The following PRR16 variants were observed in gnomAD, a reference collection of about 807,000 sequenced individuals.
PRR16 encodes the protein protein Largen.
PRR16 carries 6 observed loss-of-function variants against 18.2 expected under a neutral mutation model. That is an observed-to-expected ratio of 0.33 (90% CI 0.18 to 0.65). The LOEUF (loss-of-function observed/expected upper bound fraction) is 0.65, where lower values mean the gene tolerates loss of function less well. Among genes scored for constraint, PRR16 ranks in the 30% least tolerant of loss-of-function variants. The pLI, the probability that PRR16 is intolerant of heterozygous loss-of-function variation, is 0.74. For synonymous variants in PRR16, 151 were observed against 147.8 expected, an observed-to-expected ratio of 1.02 and a Z score of -0.16; for missense variants, 412 against 376.6, an observed-to-expected ratio of 1.09 and a Z score of -0.78.
chr5:120,525,838 G>A (rs1296877730), intron 1 of PRR16, among the ~76,000 whole-genome samples: 4 of 152,086 alleles, frequency 2.6e-5, no homozygotes, highest in Admixed American at 6.6e-5. Context: ...AATAGATGTT[G>A]AGCACATTTT....
At chr5:120,662,394 G>A (rs1296299285) in intron 1 of PRR16, among the ~76,000 whole-genome samples, 1 of 151,944 alleles carries the variant, frequency 6.6e-6, no homozygotes, top group Non-Finnish European at 1.5e-5. Flanking sequence ...CTTACTTCAT[G>A]CATATTATTT....
chr5:120,762,372 G>C, the PRR16 span, among the ~76,000 whole-genome samples: 5 of 152,060 alleles, frequency 3.3e-5, no homozygotes, highest in African/African-American at 1.2e-4. Flanking sequence ...ATCCTTGCCA[G>C]CATCTATTTT....
At chr5:120,655,078 G>A (rs1755921116) in intron 1 of PRR16, among the ~76,000 whole-genome samples, 1 of 151,668 alleles carries the variant, frequency 6.6e-6, no homozygotes, top group African/African-American at 2.4e-5. Flanking sequence ...TATATTACCT[G>A]CCAGAATATA....
chr5:120,563,099 G>A (rs1752626337), intron 1 of PRR16, among the ~76,000 whole-genome samples: 1 of 152,006 alleles, frequency 6.6e-6, no homozygotes, highest in Admixed American at 6.6e-5. Context: ...TGTTTGTCTG[G>A]GAAGGTCTTT....
chr5:120,535,869 G>A (rs561438799), intron 1 of PRR16, among the ~76,000 whole-genome samples: 5 of 152,198 alleles, frequency 3.3e-5, no homozygotes, highest in South Asian at 4.2e-4. Context: ...TTGGGAGGCC[G>A]AGACAAGAGG....
chr5:120,570,849 A>C (rs560442663), intron 1 of PRR16, among the ~76,000 whole-genome samples: 1 of 152,298 alleles, frequency 6.6e-6, no homozygotes, highest in African/African-American at 2.4e-5. Flanking sequence ...GTTTAAATAT[A>C]TATAGTTTCT....
At chr5:120,619,369 A>G (rs1176831913) in intron 1 of PRR16, among the ~76,000 whole-genome samples, 1 of 152,154 alleles carries the variant, frequency 6.6e-6, no homozygotes, top group Non-Finnish European at 1.5e-5. Context: ...AGGAAAAATA[A>G]TAGTATGGAA....
the PRR16 span, among the ~76,000 whole-genome samples, chr5:120,777,943 A>G: frequency 8.5e-5 from 13 of 152,244 alleles, no homozygotes; most frequent in South Asian, 8.3e-4. Flanking sequence ...CACTGAAACT[A>G]CTTTTGGTTT....
intron 1 of PRR16, among the ~76,000 whole-genome samples, chr5:120,507,346 T>C (rs1287858366): frequency 6.6e-6 from 1 of 152,150 alleles, no homozygotes; most frequent in African/African-American, 2.4e-5. Flanking sequence ...AATATGTACA[T>C]GAAGTATTTT....
the PRR16 span, among the ~76,000 whole-genome samples, chr5:120,759,419 T>TA: frequency 1.3e-5 from 2 of 152,022 alleles, no homozygotes; most frequent in South Asian, 4.1e-4. Context: ...CTCTTAAGTC[T>TA]AAAAAAGACT....
the PRR16 span, among the ~76,000 whole-genome samples, chr5:120,779,428 A>G: frequency 2.6e-5 from 4 of 152,094 alleles, no homozygotes; most frequent in Non-Finnish European, 2.9e-5. Context: ...AAACAAAACA[A>G]AAAAACACAA....
At chr5:120,725,300 TTG>T in the PRR16 span, among the ~76,000 whole-genome samples, 3 of 92,612 alleles carry the variant, frequency 3.2e-5, no homozygotes, top group East Asian at 2.1e-4. Context: ...AAATTTGATG[TTG>T]TTTTTTTTTT....
chr5:120,706,441 C>T, the PRR16 span, among the ~76,000 whole-genome samples: 3 of 152,100 alleles, frequency 2.0e-5, no homozygotes, highest in East Asian at 1.9e-4. Context: ...CTTGCTGATA[C>T]GCTCCTTCAG....
chr5:120,616,702 T>A (rs1204380164), intron 1 of PRR16, among the ~76,000 whole-genome samples: 1 of 152,186 alleles, frequency 6.6e-6, no homozygotes, highest in Non-Finnish European at 1.5e-5. Flanking sequence ...TCTATATTAA[T>A]AACTCATTGG....
At chr5:120,593,521 G>GA (rs35271361) in intron 1 of PRR16, among the ~76,000 whole-genome samples, 67,098 of 149,836 alleles carry the variant, frequency 0.45, 15,668 homozygotes, top group East Asian at 0.83. Context: ...ACCCTACCAA[G>GA]AAAAAAAAAG....
At chr5:120,690,052 T>A (rs1018073279), downstream of PRR16, among the ~76,000 whole-genome samples, 1 of 152,154 alleles carries the variant, frequency 6.6e-6, no homozygotes, top group Admixed American at 6.5e-5. Flanking sequence ...AAGAAATGAA[T>A]CTACTATCAG....
At chr5:120,727,701 A>G in the PRR16 span, among the ~76,000 whole-genome samples, 2 of 152,150 alleles carry the variant, frequency 1.3e-5, no homozygotes, top group East Asian at 1.9e-4. Flanking sequence ...TATACAATTA[A>G]GACTGTAGAT....
At chr5:120,700,782 G>T in the PRR16 span, among the ~76,000 whole-genome samples, 1 of 152,146 alleles carries the variant, frequency 6.6e-6, no homozygotes, top group African/African-American at 2.4e-5. Context: ...GCCTTCCACT[G>T]TGAGAGTTAC....
intron 1 of PRR16, among the ~76,000 whole-genome samples, chr5:120,578,938 C>G (rs554753718): frequency 6.6e-6 from 1 of 152,056 alleles, no homozygotes; most frequent in Non-Finnish European, 1.5e-5. Context: ...TTAATAATTG[C>G]CCTTCTGATT....
Sources: gnomAD v4.1 joint callset for allele counts (sites outside exome capture counted in the v4.1 genomes callset) on GRCh38, gnomAD v4.1.1 for gene constraint, MANE v1.5 for transcripts, NCBI Gene and HGNC (gene_info 2026-07-23, HGNC 2026-07-21) for gene names.